Variants in MIER2 observed in about 807,000 individuals in gnomAD.
The protein encoded by MIER2 is MIER family member 2.
Under a neutral mutation model 67.6 loss-of-function variants are expected in MIER2, and 30 were observed. That is an observed-to-expected ratio of 0.44 (90% CI 0.33 to 0.60). The LOEUF (loss-of-function observed/expected upper bound fraction) is 0.60, where lower values mean the gene tolerates loss of function less well. Among genes scored for constraint, MIER2 ranks in the 20% least tolerant of loss-of-function variants. The probability of loss-of-function intolerance (pLI) is 0.02; values close to 1 mark genes in which losing one functional copy is unlikely to be tolerated. For synonymous variants in MIER2, 372 were observed against 312.6 expected (o/e 1.19, Z -2.00); for missense variants, 702 against 745.1 (o/e 0.94, Z 0.67).
chr19:344,402 CCCGGGCCGGGG>C, intron 1 of MIER2: 5 of 984,218 alleles, frequency 5.1e-6, no homozygotes, highest in Non-Finnish European at 6.0e-6. Context: ...CGCCGCGGGG[CCCGGGCCGGGG>C]CCGGGAACCG....
chr19:319,607 T>A (rs1044748835), intron 7 of MIER2, among the ~76,000 whole-genome samples: 42 of 152,072 alleles, frequency 2.8e-4, no homozygotes, highest in African/African-American at 9.9e-4. Flanking sequence ...TACAGTTGCG[T>A]GCCACCACGC....
At chr19:337,091 G>A (rs568462353) in intron 1 of MIER2, among the ~76,000 whole-genome samples, 20 of 152,114 alleles carry the variant, frequency 1.3e-4, no homozygotes, top group African/African-American at 4.3e-4. Context: ...TGATCCGCCC[G>A]CCTCGGCCTC....
chr19:309,786 A>C (rs1230967172), intron 10 of MIER2, among the ~76,000 whole-genome samples: 3 of 105,960 alleles, frequency 2.8e-5, no homozygotes, highest in African/African-American at 8.5e-5. Flanking sequence ...ACGAGAAGGG[A>C]CACACACACA....
At chr19:315,954 G>A (rs72984447) in intron 7 of MIER2, among the ~76,000 whole-genome samples, 19,444 of 152,236 alleles carry the variant, frequency 0.13, 1,632 homozygotes, top group African/African-American at 0.22. Context: ...GGAGAGAAAA[G>A]GGCACAATGA....
intron 7 of MIER2, 144 bp from the exon 8 acceptor site, chr19:313,787 C>G: frequency 1.7e-6 from 2 of 1,170,942 alleles, no homozygotes; most frequent in Non-Finnish European, 2.4e-6. Context: ...GCCGCCATCC[C>G]TGTGCTCCTC....
chr19:333,510 AT>A (rs1382533303), intron 3 of MIER2, among the ~76,000 whole-genome samples: 1 of 32,298 alleles, frequency 3.1e-5, no homozygotes, highest in East Asian at 6.7e-4. Flanking sequence ...TGAAACTCTA[AT>A]TTTTTTTAAT....
chr19:324,753 G>C (rs1234447665), intron 7 of MIER2, among the ~76,000 whole-genome samples: 1 of 152,208 alleles, frequency 6.6e-6, no homozygotes, highest in African/African-American at 2.4e-5. Flanking sequence ...AGAAGTCCTG[G>C]CTGCTCCAGA....
chr19:334,505 G>A lies in MIER2; in HGVS notation c.138C>T (p.Leu46=), dbSNP rs760488174. ...SMGSGDHQFN[L]AEILSQNYSV... ...TGTAGTTCTGTGACAGGATCTCTGC[G>A]AGGTTGAACTGATGGTCTCCAGAGC... The change falls in exon 3 of 14, where the codon CTC becomes CTT. Residue 46 remains leucine (L), a synonymous_variant. Transcript: ENST00000264819. The A allele has an allele frequency of 1.9e-5, 30 of 1,613,988 alleles. No individual in the cohort carries two copies. In the African/African-American group the frequency reaches 3.1e-4, roughly 17 times the overall value.
At position 306,595 on chromosome 19, in the gene MIER2, G is replaced by A. The variant is rs1294198029; in HGVS notation, c.*95C>T. ...AGAAGGAGGTGCTACCCCAAGGCCC[G>A]GGGGGTGGGGAAGGGGTCAGGAAGA... On this transcript the variant is annotated 3_prime_UTR_variant, in exon 14 of 14. Coordinates refer to ENST00000264819, the MANE Select transcript of MIER2 (RefSeq NM_017550.3). The A allele has an allele frequency of 2.5e-5, 37 of 1,492,778 alleles. No individual in the cohort carries two copies. Among genetic ancestry groups the A allele is most frequent in the Admixed American group, 7.9e-5 (4 of 50,586 alleles). 92.5% of individuals were successfully genotyped at this position (1,492,778 alleles called of 1,614,324 possible).
chr19:324,550 C>T (rs1971647462), intron 7 of MIER2, among the ~76,000 whole-genome samples: 1 of 140,268 alleles, frequency 7.1e-6, no homozygotes, highest in Admixed American at 7.3e-5. Context: ...ACACACACAA[C>T]CACACAGACG....
intron 3 of MIER2, among the ~76,000 whole-genome samples, chr19:333,925 C>T (rs1972129726): frequency 6.6e-6 from 1 of 152,128 alleles, no homozygotes; most frequent in Non-Finnish European, 1.5e-5. Flanking sequence ...ATCTCCTGAC[C>T]TTGTGATCCG....
intron 7 of MIER2, among the ~76,000 whole-genome samples, chr19:316,313 G>C (rs552253737): frequency 4.0e-5 from 6 of 151,074 alleles, no homozygotes; most frequent in East Asian, 3.9e-4. Context: ...TTTTTTTGGA[G>C]ATGGAGTCTT....
intron 10 of MIER2, among the ~76,000 whole-genome samples, chr19:310,431 G>A (rs574634116): frequency 2.0e-5 from 3 of 152,196 alleles, no homozygotes; most frequent in Admixed American, 6.5e-5. Flanking sequence ...GCTGACCAAC[G>A]TGTGCTGGCT....
chr19:311,211 C>A (rs1024837858), intron 10 of MIER2, among the ~76,000 whole-genome samples: 1 of 152,226 alleles, frequency 6.6e-6, no homozygotes, highest in African/African-American at 2.4e-5. Flanking sequence ...TGGACAGAGG[C>A]GGAGAAGCCA....
rs140470504 is a variant in MIER2 at position 327,958 on chromosome 19, G to A, written c.275C>T (p.Ala92Val). ...SNDMPFDELL[A>V]LYGYEASDPI... ...GTCTGACGCCTCGTAGCCATAGAGC[G>A]CAAGCAGCTCATCAAAGGGCATGTC... Residue 92 changes from alanine to valine, a missense_variant, in exon 4 of 14, where the codon GCG becomes GTG. Ala to Val is a moderately conservative substitution (Grantham distance 64). This residue lies in a region of MIER2 where 320 missense variants were observed against 292.6 expected (regional missense o/e 1.09). Coordinates refer to ENST00000264819, the MANE Select transcript of MIER2 (RefSeq NM_017550.3). The A allele has an allele frequency of 1.4e-5, 23 of 1,612,984 alleles. No homozygotes were observed. Among genetic ancestry groups the A allele is most frequent in the South Asian group, 4.4e-5 (4 of 91,034 alleles).
At chr19:313,326 TG>T (rs1386333816) in intron 8 of MIER2, among the ~76,000 whole-genome samples, 165 bp downstream of exon 8, 1 of 152,132 alleles carries the variant, frequency 6.6e-6, no homozygotes, top group African/African-American at 2.4e-5. Context: ...TGGTTTTAAT[TG>T]GCCCCCCTTC....
rs1971178 is a variant in MIER2 at position 321,566 on chromosome 19, T to A, written c.655+4069A>T. 2.6e-5 allele frequency among the ~76,000 whole-genome samples: 4 copies of A among 151,800 alleles called. No individual in the cohort carries two copies. The East Asian group carries it at 7.8e-4, about 30-fold the overall frequency. On this transcript the variant is annotated intron_variant, in intron 7 of 13. Transcript: ENST00000264819. The stretch of plus-strand genomic sequence containing the variant: ...AGGCTGAGTGGGAGAACTGCTTGAA[T>A]CCAGGAGGCGGAGGTTGTGGTGAGC...
chr19:325,557 G>A, intron 7 of MIER2, 78 bp downstream of exon 7: 1 of 1,540,072 alleles, frequency 6.5e-7, no homozygotes, highest in Non-Finnish European at 9.0e-7. Flanking sequence ...TGACCAGACT[G>A]TCCAAGGATC....
chr19:334,664 C>A, intron 2 of MIER2, 122 bp from the exon 3 acceptor site: 1 of 1,350,660 alleles, frequency 7.4e-7, no homozygotes. Flanking sequence ...CCAGGATCAG[C>A]CTCATGAGGG....
Sources: allele counts gnomAD v4.1 joint callset (sites outside exome capture counted in the v4.1 genomes callset), GRCh38; gene constraint gnomAD v4.1.1; regional missense constraint gnomAD v4.1.1; transcripts MANE v1.5; gene names NCBI Gene and HGNC (gene_info 2026-07-23, HGNC 2026-07-21).